The following KIF2C variants were observed in gnomAD, a reference collection of about 807,000 sequenced individuals.
KIF2C encodes kinesin-like protein KIF2C.
In KIF2C, 34 loss-of-function variants were observed where a neutral mutation model predicts 97.4. The ratio of observed to expected loss-of-function variants is 0.35; its 90% CI spans 0.27 to 0.46. KIF2C has a LOEUF of 0.46. Ranked by LOEUF, KIF2C falls within the 20% of genes least tolerant of loss-of-function variation. The pLI, the probability that KIF2C is intolerant of heterozygous loss-of-function variation, is 1.00. For missense variants in KIF2C, 750 were observed against 907.6 expected (o/e 0.83, Z 2.23); for synonymous variants, 313 against 318.2 (o/e 0.98, Z 0.17).
intron 5 of KIF2C, among the ~76,000 whole-genome samples, chr1:44,752,834 G>A (rs1394095142): frequency 6.6e-6 from 1 of 152,254 alleles, no homozygotes; most frequent in Non-Finnish European, 1.5e-5. Context: ...CCTGGCCTGA[G>A]AACCCATGCT....
At position 44,767,317 on chromosome 1, in the gene KIF2C, T is replaced by G; in HGVS notation, c.*138T>G. 2 of 681,476 alleles carry G rather than the reference T, an allele frequency of 2.9e-6. No homozygotes were observed. Among genetic ancestry groups the G allele is most frequent in the Non-Finnish European group, 5.1e-6 (2 of 391,514 alleles). The allele number at this position is 681,476 out of a possible 1,614,324, so 42.2% of individuals were successfully genotyped here. On this transcript the variant is annotated 3_prime_UTR_variant, in exon 21 of 21. Transcript: ENST00000372224. ...GGTAAATGCCAAGTATGGGGGCATC[T>G]GGGCCCAGGGCAGCTGGGGAGGGGG...
At chr1:44,756,308 A>T (rs1196382753) in intron 10 of KIF2C, 71 bp downstream of exon 10, 29 of 1,446,488 alleles carry the variant, frequency 2.0e-5, no homozygotes, top group Non-Finnish European at 2.8e-5. Flanking sequence ...CATCGTGGTA[A>T]CACTACTCAC....
rs755508657 is a variant in KIF2C at position 44,758,118 on chromosome 1, T to C, written c.1202T>C (p.Phe401Ser). The C allele has an allele frequency of 1.9e-6, 3 of 1,599,088 alleles. No individual in the cohort carries two copies. Among genetic ancestry groups the C allele is most frequent in the Non-Finnish European group, 2.6e-6 (3 of 1,172,820 alleles). Residue 401 changes from phenylalanine to serine, a missense_variant, in exon 13 of 21, where the codon TTC (phenylalanine) becomes TCC (serine). Coordinates refer to ENST00000372224, the MANE Select transcript of KIF2C (RefSeq NM_006845.4). The stretch of plus-strand genomic sequence containing the variant: ...TTGGGCCTGGAAGTCTATGTGACAT[T>C]CTTCGAGATCTACAATGGGAAGGTA... ...RKLGLEVYVT[F>S]FEIYNGKLFD...
chr1:44,765,530 C>T (rs566709213), intron 19 of KIF2C, among the ~76,000 whole-genome samples: 108 of 152,120 alleles, frequency 7.1e-4, no homozygotes, highest in African/African-American at 2.1e-3. Flanking sequence ...GTGACAAGTA[C>T]GGTGAAAGAA....
chr1:44,759,427 G>C, intron 14 of KIF2C, 79 bp downstream of exon 14: 1 of 1,565,084 alleles, frequency 6.4e-7, no homozygotes, highest in Non-Finnish European at 8.8e-7. Context: ...GCACATTTCT[G>C]TTTACCCAGA....
chr1:44,753,104 T>C (rs772716648), intron 5 of KIF2C, 28 bp from the exon 6 acceptor site: 1 of 1,597,132 alleles, frequency 6.3e-7, no homozygotes, highest in Non-Finnish European at 8.6e-7. Flanking sequence ...ACTTGCCTGC[T>C]TCTCCAGTGA....
Position 44,762,420 on chromosome 1 carries a change from C to T in KIF2C, c.1826C>T (p.Ala609Val). ...CAAATGGAAACAGAAGAGATGGAAG[C>T]CTGCTCTAACGGGGCGCTGATTCCA... ...LIQMETEEMEACSNGALIPGN... is the reference protein window; with the variant it reads ...LIQMETEEMEVCSNGALIPGN... Residue 609 changes from alanine (A) to valine (V), a missense_variant, in exon 18 of 21, where the codon GCC (alanine) becomes GTC (valine). Transcript: ENST00000372224. The T allele has an allele frequency of 6.2e-7, 1 of 1,614,144 alleles. No individual in the cohort carries two copies. Among genetic ancestry groups the T allele is most frequent in the Non-Finnish European group, 8.5e-7 (1 of 1,180,032 alleles).
At chr1:44,743,823 C>T (rs1363591861) in intron 2 of KIF2C, among the ~76,000 whole-genome samples, 1 of 152,050 alleles carries the variant, frequency 6.6e-6, no homozygotes, top group Non-Finnish European at 1.5e-5. Context: ...AAAAAGCTTG[C>T]TTAGCATAGT....
chr1:44,767,070 C>T (rs748716121), intron 20 of KIF2C, 27 bp from the exon 21 acceptor site: 3 of 1,612,652 alleles, frequency 1.9e-6, no homozygotes, highest in Non-Finnish European at 2.5e-6. Context: ...TCACTAACCC[C>T]ATATGTACCG....
At chr1:44,753,933 G>T in intron 7 of KIF2C, 100 bp downstream of exon 7, 1 of 456,374 alleles carries the variant, frequency 2.2e-6, no homozygotes, top group South Asian at 3.8e-5. Flanking sequence ...GCATTTCTGA[G>T]GCTCCAGTTC....
intron 19 of KIF2C, among the ~76,000 whole-genome samples, chr1:44,764,295 C>T (rs1327804277): frequency 6.7e-6 from 1 of 148,762 alleles, no homozygotes; most frequent in African/African-American, 2.4e-5. Flanking sequence ...CCTTCCTCAG[C>T]CTCCTGCGTA....
In KIF2C at chr1:44,761,876, C is replaced by T. The variant is rs188691385; in HGVS notation, c.1684-40C>T. The T allele has an allele frequency of 6.5e-4, 1,038 of 1,593,514 alleles. 1 individual carries two copies. Among genetic ancestry groups the T allele is most frequent in the Middle Eastern group, 1.0e-3 (6 of 6,008 alleles). On this transcript the variant is annotated intron_variant, in intron 16 of 20. Coordinates refer to ENST00000372224, the MANE Select transcript of KIF2C (RefSeq NM_006845.4). ...GGGACAGGCTATATAGCATCCTCAC[C>T]GTGCCTCTCAGCCTTTAATCACCCA... is the stretch of plus-strand genomic sequence containing the variant.
intron 16 of KIF2C, chr1:44,761,086 C>G (rs1269694171): frequency 4.3e-6 from 1 of 233,452 alleles, no homozygotes; most frequent in Non-Finnish European, 8.5e-6. Flanking sequence ...TAGAAATAGC[C>G]TGGATCATAA....
intron 10 of KIF2C, among the ~76,000 whole-genome samples, chr1:44,756,556 T>C (rs1158752407): frequency 1.4e-5 from 2 of 147,144 alleles, no homozygotes; most frequent in Admixed American, 1.4e-4. Flanking sequence ...TTTTTTTTTT[T>C]TTTTTTTTTT....
chr1:44,765,117 C>G (rs953853072), intron 19 of KIF2C, among the ~76,000 whole-genome samples: 2 of 151,902 alleles, frequency 1.3e-5, no homozygotes, highest in African/African-American at 4.8e-5. Context: ...AAGACTGTCT[C>G]AAAAATAAAA....
At chr1:44,759,495 A>G (rs916307602) in intron 14 of KIF2C, 147 bp downstream of exon 14, 9 of 926,402 alleles carry the variant, frequency 9.7e-6, no homozygotes, top group Non-Finnish European at 1.3e-5. Context: ...CGGGGTCTCA[A>G]TAAGACATAT....
chr1:44,753,181 G>A lies in KIF2C; in HGVS notation c.489G>A (p.Arg163=). The change falls in exon 6 of 21, where the codon AGG becomes AGA. Residue 163 remains arginine, a synonymous_variant. Coordinates refer to ENST00000372224, the MANE Select transcript of KIF2C (RefSeq NM_006845.4). ...CTGCAGTGGCTGAAATACCATTGAG[G>A]ATGGTCAGCGAGGAGATGGAAGAGC... ...SCPAVAEIPL[R]MVSEEMEEQV... 1 of 1,614,012 alleles carries A rather than the reference G, an allele frequency of 6.2e-7. No individual in the cohort carries two copies. The highest frequency in any genetic ancestry group is 8.5e-7 in the Non-Finnish European group (1 of 1,179,934).
chr1:44,764,675 A>T (rs1467220932), intron 19 of KIF2C, among the ~76,000 whole-genome samples: 2 of 149,922 alleles, frequency 1.3e-5, no homozygotes, highest in Non-Finnish European at 3.0e-5. Flanking sequence ...ACGCCCAGCT[A>T]ATTTTGTATT....
chr1:44,741,483 G>T (rs1305554265), intron 2 of KIF2C, among the ~76,000 whole-genome samples: 1 of 151,778 alleles, frequency 6.6e-6, no homozygotes, highest in Non-Finnish European at 1.5e-5. Context: ...TCAGGAGTTC[G>T]AGACCAGCCT....
Sources: gnomAD v4.1 joint callset for allele counts (sites outside exome capture counted in the v4.1 genomes callset) on GRCh38, gnomAD v4.1.1 for gene constraint, MANE v1.5 for transcripts, NCBI Gene and HGNC (gene_info 2026-07-23, HGNC 2026-07-21) for gene names.